The following DNAJC11 variants were observed in gnomAD, a reference collection of about 807,000 sequenced individuals.
The protein encoded by DNAJC11 is DnaJ heat shock protein family (Hsp40) member C11, also known as dnaJ homolog subfamily C member 11.
Under a neutral mutation model 78.6 loss-of-function variants are expected in DNAJC11, and 15 were observed. That is an observed-to-expected ratio of 0.19 (90% CI 0.13 to 0.29). DNAJC11 has a LOEUF of 0.29. DNAJC11 is among the 10% of genes least tolerant of loss of function. DNAJC11 has a pLI of 1.00. For missense variants in DNAJC11, 547 were observed against 709.6 expected (o/e 0.77, Z 2.60); for synonymous variants, 292 against 272.1 (o/e 1.07, Z -0.72).
chr1:6,639,430 A>C (rs1641839800), intron 11 of DNAJC11, among the ~76,000 whole-genome samples: 4 of 151,912 alleles, frequency 2.6e-5, no homozygotes, highest in Admixed American at 2.6e-4. Flanking sequence ...CCCAGGTTCA[A>C]GCAATTCTCC....
In DNAJC11 at chr1:6,681,046, AG is replaced by A. The variant is rs1214635194; in HGVS notation, c.73-10del. On this transcript the variant is annotated splice_polypyrimidine_tract_variant and intron_variant, in intron 1 of 15. Coordinates refer to ENST00000377577, the MANE Select transcript of DNAJC11 (RefSeq NM_018198.4). ...AGCTCTTCAGAAGAGGCCTAAAGAA[AG>A]AAAAATTCAATTAGAGAACAATCAA... 1 of 1,590,064 alleles carries A rather than the reference AG, an allele frequency of 6.3e-7. No homozygotes were observed. The highest frequency in any genetic ancestry group is 8.6e-7 in the Non-Finnish European group (1 of 1,167,844).
At chr1:6,700,617 T>C (rs1324619064) in intron 1 of DNAJC11, among the ~76,000 whole-genome samples, 1 of 152,228 alleles carries the variant, frequency 6.6e-6, no homozygotes, top group Non-Finnish European at 1.5e-5. Context: ...AATCAAGGGC[T>C]ATCATAATAC....
rs568013401 is a variant in DNAJC11, at chr1:6,687,593, G to A, written c.73-6556C>T. Reference sequence around the variant, plus strand: ...AGGATGGTCTCAATCTCCTGACCTCGTGATCCGCCCACCTCGGCCTCCCAA... The same window carrying A: ...AGGATGGTCTCAATCTCCTGACCTCATGATCCGCCCACCTCGGCCTCCCAA... On this transcript the variant is annotated intron_variant, in intron 1 of 15. Transcript: ENST00000377577. 1.4e-3 allele frequency among the ~76,000 whole-genome samples: 208 copies of A among 152,088 alleles called. 2 individuals carry two copies. Among genetic ancestry groups the A allele is most frequent in the African/African-American group, 4.8e-3 (200 of 41,482 alleles).
intron 1 of DNAJC11, among the ~76,000 whole-genome samples, chr1:6,683,088 G>A (rs1031344237): frequency 1.3e-5 from 2 of 152,156 alleles, no homozygotes; most frequent in Non-Finnish European, 2.9e-5. Flanking sequence ...TGCTGAATGA[G>A]CAGCTCCTGG....
At chr1:6,655,826 G>A (rs1642117669) in intron 4 of DNAJC11, among the ~76,000 whole-genome samples, 1 of 150,372 alleles carries the variant, frequency 6.7e-6, no homozygotes, top group Non-Finnish European at 1.5e-5. Context: ...AGAACAGGCC[G>A]GGTGTGGTGG....
In DNAJC11 at chr1:6,665,721, C is replaced by T. The variant is rs550579418; in HGVS notation, c.378+1988G>A. 1.4e-4 allele frequency among the ~76,000 whole-genome samples: 21 copies of T among 152,180 alleles called. No homozygotes were observed. The South Asian group carries it at 3.9e-3, about 29-fold the overall frequency. ...CAACTGCCACACACCCCCAGATGGC[C>T]GATTTGATCATGGGACACGGATGCA... On this transcript the variant is annotated intron_variant, in intron 4 of 15. Coordinates refer to ENST00000377577, the MANE Select transcript of DNAJC11 (RefSeq NM_018198.4).
chr1:6,700,364 C>G (rs1454074547), intron 1 of DNAJC11, among the ~76,000 whole-genome samples: 2 of 152,170 alleles, frequency 1.3e-5, no homozygotes, highest in African/African-American at 4.8e-5. Context: ...AGGTTTATTG[C>G]TCACACAAAG....
At chr1:6,687,354 CTTTTTTTTTT>C (rs70981400) in intron 1 of DNAJC11, among the ~76,000 whole-genome samples, 69 of 119,038 alleles carry the variant, frequency 5.8e-4, no homozygotes, top group African/African-American at 2.1e-3. Context: ...AATACAGTCC[CTTTTTTTTTT>C]TTTTTTTTTT....
Position 6,645,779 on chromosome 1 carries a change from C to T in DNAJC11, c.894+10G>A, listed in dbSNP as rs1243615461. On this transcript the variant is annotated intron_variant, in intron 8 of 15. Transcript: ENST00000377577. The surrounding 1 kb of genome is among the most constrained non-coding windows in gnomAD (Gnocchi z 4.1). The stretch of plus-strand genomic sequence containing the variant: ...CTCTGTCTGCAGGAGATGATGGCTG[C>T]TCGGCTCACCTGCAGGGCCACAGTG... 1.9e-6 allele frequency: 3 copies of T among 1,612,706 alleles called. No homozygotes were observed. The highest frequency in any genetic ancestry group is 1.6e-4 in the Middle Eastern group (1 of 6,078).
chr1:6,669,793 CA>C (rs1386828183), intron 3 of DNAJC11, among the ~76,000 whole-genome samples: 1 of 151,812 alleles, frequency 6.6e-6, no homozygotes, highest in Non-Finnish European at 1.5e-5. Context: ...CTATCACGAC[CA>C]AAGTTATCAG....
chr1:6,660,244 C>T (rs1332430355), intron 4 of DNAJC11, among the ~76,000 whole-genome samples: 1 of 151,176 alleles, frequency 6.6e-6, no homozygotes, highest in African/African-American at 2.4e-5. Flanking sequence ...GCAACCTCTG[C>T]CTCCCAGGTT....
intron 1 of DNAJC11, among the ~76,000 whole-genome samples, chr1:6,685,553 C>T (rs1642642859): frequency 1.3e-5 from 2 of 152,110 alleles, no homozygotes; most frequent in Admixed American, 1.3e-4. Flanking sequence ...TGGAGCTCAC[C>T]CACCTCAATC....
Position 6,637,451 on chromosome 1 carries a change from T to C in DNAJC11, c.1377A>G (p.Arg459=). ...VRRIIEAEES[R]MGLIIVNAWY... ...AGAGAGGACACATGTTCTCACCCAT[T>C]CTGGACTCTTCTGCCTCAATTATCC... Residue 459 remains arginine, a synonymous_variant, in exon 13 of 16, where the codon AGA becomes AGG. Coordinates refer to ENST00000377577, the MANE Select transcript of DNAJC11 (RefSeq NM_018198.4). 1 of 1,614,206 alleles carries C rather than the reference T, an allele frequency of 6.2e-7. No individual in the cohort carries two copies. The highest frequency in any genetic ancestry group is 8.5e-7 in the Non-Finnish European group (1 of 1,180,036).
At position 6,634,433 on chromosome 1, in the gene DNAJC11, A is replaced by G; in HGVS notation, c.*1242T>C. 1 of 1,268,114 alleles carries G rather than the reference A, an allele frequency of 7.9e-7. No homozygotes were observed. Among genetic ancestry groups the G allele is most frequent in the East Asian group, 5.1e-5 (1 of 19,758 alleles). 78.6% of individuals were successfully genotyped at this position (1,268,114 alleles called of 1,614,324 possible). ...GGAAGGAGGTTCTTAGCCGTTACTCAGATACCAGTGCTGGGGAGGGAGGCC... is the reference window on the plus strand; with the variant it reads ...GGAAGGAGGTTCTTAGCCGTTACTCGGATACCAGTGCTGGGGAGGGAGGCC... On this transcript the variant is annotated 3_prime_UTR_variant, in exon 16 of 16. Coordinates refer to ENST00000377577, the MANE Select transcript of DNAJC11 (RefSeq NM_018198.4).
At chr1:6,657,895 T>G (rs1395068128) in intron 4 of DNAJC11, among the ~76,000 whole-genome samples, 2 of 152,222 alleles carry the variant, frequency 1.3e-5, no homozygotes, top group Non-Finnish European at 2.9e-5. Flanking sequence ...TCTGCCCACC[T>G]TGGCCTCCCA....
chr1:6,688,871 T>A (rs185392991), intron 1 of DNAJC11, among the ~76,000 whole-genome samples: 21 of 152,332 alleles, frequency 1.4e-4, no homozygotes, highest in Admixed American at 2.6e-4. Flanking sequence ...ATCTGTCTGC[T>A]CAATGTATTC....
chr1:6,646,697 T>C (rs1334369171), intron 7 of DNAJC11, among the ~76,000 whole-genome samples: 1 of 152,086 alleles, frequency 6.6e-6, no homozygotes, highest in Non-Finnish European at 1.5e-5. Flanking sequence ...TCCAGCCCCA[T>C]CTTCTGGTTG....
chr1:6,646,159 G>C (rs528186230), intron 7 of DNAJC11, among the ~76,000 whole-genome samples, 181 bp from the exon 8 acceptor site: 3 of 151,664 alleles, frequency 2.0e-5, no homozygotes, highest in Non-Finnish European at 4.4e-5. Flanking sequence ...GAGGGTCCTA[G>C]CCAGAATCTT....
intron 7 of DNAJC11, among the ~76,000 whole-genome samples, chr1:6,646,465 A>T (rs1641967680): frequency 6.6e-6 from 1 of 152,084 alleles, no homozygotes; most frequent in Non-Finnish European, 1.5e-5. Flanking sequence ...TGTCCCAATG[A>T]TTCCAATGTG....
Sources: gnomAD v4.1 joint callset for allele counts (sites outside exome capture counted in the v4.1 genomes callset) on GRCh38, gnomAD v4.1.1 for gene constraint, Gnocchi (gnomAD v3.1) non-coding constraint, MANE v1.5 for transcripts, NCBI Gene and HGNC (gene_info 2026-07-23, HGNC 2026-07-21) for gene names.